Variants in SYCP2L observed in about 807,000 individuals in gnomAD.
SYCP2L encodes synaptonemal complex protein 2 like, also known as synaptonemal complex protein 2-like.
A neutral mutation model predicts 125.8 loss-of-function variants in SYCP2L; 98 were observed. The observed-to-expected ratio is 0.78, with a 90% CI of 0.66 to 0.92. The LOEUF is 0.92. SYCP2L is among the 40% of genes least tolerant of loss of function. The probability of loss-of-function intolerance (pLI) is 0.00; values close to 1 mark genes in which losing one functional copy is unlikely to be tolerated. For synonymous variants in SYCP2L, 317 were observed against 325.4 expected, an observed-to-expected ratio of 0.97 and a Z score of 0.28; for missense variants, 842 against 936.4, an observed-to-expected ratio of 0.90 and a Z score of 1.32.
chr6:10,969,987 G>C (rs1428818135), intron 29 of SYCP2L, among the ~76,000 whole-genome samples: 3 of 152,156 alleles, frequency 2.0e-5, no homozygotes, highest in South Asian at 2.1e-4. Flanking sequence ...TTAGATGCTG[G>C]GGTAGAATGA....
At chr6:10,960,446 G>C (rs935331403) in intron 26 of SYCP2L, among the ~76,000 whole-genome samples, 2 of 152,144 alleles carry the variant, frequency 1.3e-5, no homozygotes, top group African/African-American at 4.8e-5. Flanking sequence ...ATGAGAGTGA[G>C]GTGAGGATGA....
At chr6:10,935,223 T>G (rs984331913) in intron 21 of SYCP2L, 36 bp downstream of exon 21, 1 of 1,600,468 alleles carries the variant, frequency 6.2e-7, no homozygotes, top group South Asian at 1.2e-5. Context: ...TAGGAAAAAA[T>G]TTGTATTTGG....
chr6:10,903,665 C>T (rs1007198938), intron 8 of SYCP2L, among the ~76,000 whole-genome samples: 13 of 151,978 alleles, frequency 8.6e-5, no homozygotes, highest in Non-Finnish European at 1.3e-4. Context: ...GCAGGAGAAT[C>T]GCTTGAACCC....
chr6:10,943,343 G>T (rs1371425266), intron 23 of SYCP2L, among the ~76,000 whole-genome samples: 2 of 152,054 alleles, frequency 1.3e-5, no homozygotes, highest in Admixed American at 1.3e-4. Flanking sequence ...ATAAATATGT[G>T]TAGGATATTT....
rs796823588 is a variant in SYCP2L at position 10,921,213 on chromosome 6, AT to A, written c.1073-3275del. Among the ~76,000 whole-genome samples, 91 of 151,888 alleles carry A rather than the reference AT, an allele frequency of 6.0e-4. 3 individuals carry two copies. Among genetic ancestry groups the A allele is most frequent in the South Asian group, 1.5e-3 (7 of 4,802 alleles). On this transcript the variant is annotated intron_variant, in intron 14 of 29. Transcript: ENST00000283141. ...ATGTCCCTGCAAAGGACATGATCTC[AT>A]TTTTTTTATGGCTGCATAGTATTCC...
chr6:10,908,395 G>A (rs1643721978), intron 10 of SYCP2L, among the ~76,000 whole-genome samples: 2 of 152,154 alleles, frequency 1.3e-5, no homozygotes, highest in Admixed American at 1.3e-4. Context: ...TTATGGGGTG[G>A]TTGTGTTGTG....
intron 6 of SYCP2L, among the ~76,000 whole-genome samples, chr6:10,902,448 A>T (rs531625656): frequency 6.6e-6 from 1 of 152,340 alleles, no homozygotes; most frequent in South Asian, 2.1e-4. Context: ...GTTTCAAAAA[A>T]GTCACCAAGA....
chr6:10,907,835 C>A, intron 10 of SYCP2L, 151 bp downstream of exon 10: 152 of 488,842 alleles, frequency 3.1e-4, no homozygotes, highest in East Asian at 8.5e-4. Context: ...TTAGGAGAAA[C>A]AATTTGAGGG....
intron 15 of SYCP2L, 45 bp from the exon 16 acceptor site, chr6:10,926,294 T>A (rs987392847): frequency 1.4e-5 from 19 of 1,399,492 alleles, no homozygotes; most frequent in Admixed American, 4.1e-5. Context: ...TTTTTTTTTT[T>A]AAAGATGACT....
chr6:10,894,151 G>A lies in SYCP2L; in HGVS notation c.283G>A (p.Asp95Asn), dbSNP rs1304393522. ...GAAATGTATTCAGCGATTCCTCGTA[G>A]ATGGCCTGAAAGAAGATGAACCTCT... ...LLKCIQRFLV[D>N]GLKEDEPLLI... The change falls in exon 4 of 30, where the codon GAT becomes AAT. Residue 95 changes from aspartate (D) to asparagine (N), a missense_variant. Asp to Asn is a conservative substitution (Grantham distance 23). Coordinates refer to ENST00000283141, the MANE Select transcript of SYCP2L (RefSeq NM_001040274.3). 3.7e-6 allele frequency: 6 copies of A among 1,613,518 alleles called. No individual in the cohort carries two copies. Among genetic ancestry groups the A allele is most frequent in the South Asian group, 1.1e-5 (1 of 90,864 alleles).
At position 10,956,246 on chromosome 6, in the gene SYCP2L, G is replaced by GTA; in HGVS notation, c.2163+5_2163+6dup. The GTA allele has an allele frequency of 6.2e-7, 1 of 1,604,434 alleles. No individual in the cohort carries two copies. The highest frequency in any genetic ancestry group is 1.1e-5 in the South Asian group (1 of 90,756). ...AAAACGGAAAAGAAAATATGAGGTA[G>GTA]TAGTCCACAAAACTTAAAAAACTAG... On this transcript the variant is annotated splice_donor_region_variant and intron_variant, in intron 25 of 29. Coordinates refer to ENST00000283141, the MANE Select transcript of SYCP2L (RefSeq NM_001040274.3).
chr6:10,912,525 CAA>C lies in SYCP2L; in HGVS notation c.919-145_919-144del. On this transcript the variant is annotated intron_variant, in intron 12 of 29. Coordinates refer to ENST00000283141, the MANE Select transcript of SYCP2L (RefSeq NM_001040274.3). This position sits in a 1 kb window ranked among gnomAD's most constrained non-coding sequence, Gnocchi z 4.1. ...AAAATTGAGATCCTTCTGTTTTGCA[CAA>C]AAGAGTCAGTCAATAGAGGCCCTAT... 1 of 591,500 alleles carries C rather than the reference CAA, an allele frequency of 1.7e-6. No individual in the cohort carries two copies. Among genetic ancestry groups the C allele is most frequent in the South Asian group, 2.4e-5 (1 of 41,308 alleles). The allele number at this position is 591,500 out of a possible 1,614,324, so 36.6% of individuals were successfully genotyped here.
chr6:10,910,707 C>A, intron 11 of SYCP2L, 117 bp from the exon 12 acceptor site: 1 of 1,083,216 alleles, frequency 9.2e-7, no homozygotes. Context: ...CCCTATTGTA[C>A]TCTGTACGAG....
At chr6:10,892,569 G>T (rs989569996) in intron 2 of SYCP2L, among the ~76,000 whole-genome samples, 1 of 152,220 alleles carries the variant, frequency 6.6e-6, no homozygotes, top group African/African-American at 2.4e-5. Context: ...AAAGTGCTGG[G>T]ATTACAGGCG....
At chr6:10,934,918 A>G (rs1216163843) in intron 20 of SYCP2L, 140 bp from the exon 21 acceptor site, 7 of 779,496 alleles carry the variant, frequency 9.0e-6, no homozygotes, top group Non-Finnish European at 1.3e-5. Context: ...AGAAATTCTT[A>G]GTAGAATTAG....
intron 2 of SYCP2L, among the ~76,000 whole-genome samples, chr6:10,892,503 T>G (rs900692006): frequency 6.6e-6 from 1 of 152,202 alleles, no homozygotes; most frequent in African/African-American, 2.4e-5. Flanking sequence ...CTCAATATAT[T>G]GCCCAGGCTG....
intron 23 of SYCP2L, among the ~76,000 whole-genome samples, chr6:10,944,637 C>G (rs931169236): frequency 2.0e-5 from 3 of 152,018 alleles, no homozygotes; most frequent in Non-Finnish European, 4.4e-5. Flanking sequence ...CCATTTCTCT[C>G]TAAGTACTGC....
At chr6:10,913,741 C>T (rs1581823689) in intron 14 of SYCP2L, among the ~76,000 whole-genome samples, 1 of 152,130 alleles carries the variant, frequency 6.6e-6, no homozygotes, top group East Asian at 1.9e-4. Flanking sequence ...AGCTATTTAT[C>T]TTTGTTTTTA....
Position 10,924,428 on chromosome 6 carries a change from A to G in SYCP2L, c.1073-68A>G, listed in dbSNP as rs1031726228. 34 of 1,316,268 alleles carry G rather than the reference A, an allele frequency of 2.6e-5. No homozygotes were observed. In the African/African-American group the frequency reaches 5.2e-4, roughly 20 times the overall value. The allele number at this position is 1,316,268 out of a possible 1,614,324, so 81.5% of individuals were successfully genotyped here. On this transcript the variant is annotated intron_variant, in intron 14 of 29. Coordinates refer to ENST00000283141, the MANE Select transcript of SYCP2L (RefSeq NM_001040274.3). ...AAATACCCTAGCGTAGTTATTTAAA[A>G]TGATAAAATTTTAAAATAAAACATT... is the stretch of plus-strand genomic sequence containing the variant.
Sources: gnomAD v4.1 joint callset for allele counts (sites outside exome capture counted in the v4.1 genomes callset) on GRCh38, gnomAD v4.1.1 for gene constraint, Gnocchi (gnomAD v3.1) non-coding constraint, MANE v1.5 for transcripts, NCBI Gene and HGNC (gene_info 2026-07-23, HGNC 2026-07-21) for gene names.